The following SBK1 variants were observed in gnomAD, a reference collection of about 807,000 sequenced individuals.
The protein encoded by SBK1 is SH3 domain binding kinase 1, also known as serine/threonine-protein kinase SBK1.
A neutral mutation model predicts 24.4 loss-of-function variants in SBK1; 11 were observed. That is an observed-to-expected ratio of 0.45 (90% CI 0.28 to 0.75). The LOEUF (loss-of-function observed/expected upper bound fraction) is 0.75. Ranked by LOEUF, SBK1 falls within the 30% of genes least tolerant of loss-of-function variation. The pLI, the probability that SBK1 is intolerant of heterozygous loss-of-function variation, is 0.12. For synonymous variants in SBK1, 308 were observed against 284.4 expected (o/e 1.08, Z -0.83); for missense variants, 467 against 620.5 (o/e 0.75, Z 2.63).
At chr16:28,310,725 G>A (rs74016811) in intron 1 of SBK1, among the ~76,000 whole-genome samples, 2,287 of 152,250 alleles carry the variant, frequency 0.015, 67 homozygotes, top group African/African-American at 0.051. Context: ...TTGTATTTGT[G>A]AGGATTAAGT....
chr16:28,287,228 G>C (rs1269237279), intron 1 of SBK1, among the ~76,000 whole-genome samples: 2 of 147,440 alleles, frequency 1.4e-5, no homozygotes, highest in Non-Finnish European at 3.0e-5. Context: ...ATCACCCAAA[G>C]TCAGGAGTTT....
intron 1 of SBK1, among the ~76,000 whole-genome samples, chr16:28,309,841 C>T (rs1430219543): frequency 2.0e-5 from 3 of 152,284 alleles, no homozygotes; most frequent in Non-Finnish European, 1.5e-5. Context: ...TGTGTATACA[C>T]GTGTGTCTGT....
rs759262202 is a variant in SBK1, at chr16:28,320,528, C to T, written c.882C>T (p.Arg294=). ...AGCCCGCGCTGCGCATGTTCCAGCG[C>T]TTACTGGCCCTGGAGCCCGAGCGCC... is the stretch of plus-strand genomic sequence containing the variant. ...FTEPALRMFQ[R]LLALEPERRG... The change falls in exon 4 of 4, where the codon CGC becomes CGT. Residue 294 remains arginine (R), a synonymous_variant. Coordinates refer to ENST00000341901, the MANE Select transcript of SBK1 (RefSeq NM_001024401.3). This position sits in a 1 kb window ranked among gnomAD's most constrained non-coding sequence, Gnocchi z 8.5. 3 of 1,565,398 alleles carry T rather than the reference C, an allele frequency of 1.9e-6. No individual in the cohort carries two copies. The highest frequency in any genetic ancestry group is 2.8e-5 in the African/African-American group (2 of 72,106).
rs2044612060 is a variant in SBK1, at chr16:28,292,967, C to T, written c.-341C>T. ...TGCCCCCAGGCCGGGATTGCGAGAA[C>T]CCCCTCCCAAGATCCGGTCATTACA... is the stretch of plus-strand genomic sequence containing the variant. On this transcript the variant is annotated 5_prime_UTR_variant, in exon 1 of 4. Coordinates refer to ENST00000341901, the MANE Select transcript of SBK1 (RefSeq NM_001024401.3). 4 of 980,296 alleles carry T rather than the reference C, an allele frequency of 4.1e-6. No homozygotes were observed. The highest frequency in any genetic ancestry group is 4.7e-5 in the South Asian group (1 of 21,186). 60.7% of individuals were successfully genotyped at this position (980,296 alleles called of 1,614,324 possible).
intron 1 of SBK1, among the ~76,000 whole-genome samples, chr16:28,295,533 C>T (rs1322275776): frequency 2.0e-5 from 3 of 152,140 alleles, no homozygotes; most frequent in African/African-American, 7.2e-5. Flanking sequence ...GTCTCCACAT[C>T]TAGACTCAGC....
chr16:28,311,808 TG>T (rs1302725200), intron 1 of SBK1, among the ~76,000 whole-genome samples: 3 of 152,086 alleles, frequency 2.0e-5, no homozygotes, highest in Non-Finnish European at 4.4e-5. Context: ...GGGGCACACA[TG>T]GGGCCCAAAC....
chr16:28,299,076 GA>G (rs1422962882), intron 1 of SBK1, among the ~76,000 whole-genome samples: 1 of 152,198 alleles, frequency 6.6e-6, no homozygotes, highest in Admixed American at 6.5e-5. Context: ...GTGTCTCCAG[GA>G]GGCACAATGG....
At chr16:28,297,332 A>G (rs1000492442) in intron 1 of SBK1, among the ~76,000 whole-genome samples, 1 of 152,192 alleles carries the variant, frequency 6.6e-6, no homozygotes, top group African/African-American at 2.4e-5. Flanking sequence ...GTCCGTCTCA[A>G]AAAAAAAGAA....
At chr16:28,303,966 G>A (rs1316777309) in intron 1 of SBK1, among the ~76,000 whole-genome samples, 1 of 152,094 alleles carries the variant, frequency 6.6e-6, no homozygotes, top group African/African-American at 2.4e-5. Context: ...GCTGGGAGAG[G>A]TTCAGTGCCA....
rs2044875811 is a variant in SBK1 at position 28,323,696 on chromosome 16, CCCAGAG to C, written c.*2778_*2783del. On this transcript the variant is annotated 3_prime_UTR_variant, in exon 4 of 4. Coordinates refer to ENST00000341901, the MANE Select transcript of SBK1 (RefSeq NM_001024401.3). ...GCGGGGTCCTGGGTAGAGTCCTAGC[CCCAGAG>C]CCCCAGCCCCTCATGTCTTGCCGCC... 4.6e-5 allele frequency: 7 copies of C among 152,740 alleles called. No individual in the cohort carries two copies. The highest frequency in any genetic ancestry group is 1.0e-4 in the Non-Finnish European group (7 of 68,060). 9.5% of individuals were successfully genotyped at this position (152,740 alleles called of 1,614,324 possible).
intron 1 of SBK1, among the ~76,000 whole-genome samples, chr16:28,280,149 A>ATATATATATATGTG (rs1230385223): frequency 2.1e-3 from 84 of 39,378 alleles, no homozygotes; most frequent in African/African-American, 4.4e-3. Context: ...ATATATATAT[A>ATATATATATATGTG]TGTGTGTGTG....
intron 1 of SBK1, among the ~76,000 whole-genome samples, chr16:28,309,066 T>C (rs2044736787): frequency 6.6e-6 from 1 of 151,966 alleles, no homozygotes; most frequent in Non-Finnish European, 1.5e-5. Context: ...TCCCAGTGGC[T>C]CCCACAACAA....
At chr16:28,283,539 G>A (rs1325991574) in intron 1 of SBK1, among the ~76,000 whole-genome samples, 3 of 152,132 alleles carry the variant, frequency 2.0e-5, no homozygotes, top group African/African-American at 7.2e-5. Context: ...GCCTGGCTCA[G>A]GGAACAGACC....
chr16:28,316,765 T>A (rs542984413), intron 1 of SBK1, among the ~76,000 whole-genome samples: 6 of 152,208 alleles, frequency 3.9e-5, no homozygotes, highest in African/African-American at 1.2e-4. Context: ...TGTAATCCAA[T>A]CTACTCAGGA....
intron 1 of SBK1, among the ~76,000 whole-genome samples, chr16:28,278,364 C>A (rs149738934): frequency 0.011 from 1,534 of 143,882 alleles, 14 homozygotes; most frequent in Middle Eastern, 0.052. Flanking sequence ...GTTTTAGAGG[C>A]AGGATCCTGC....
chr16:28,287,931 A>T (rs1390208107), upstream of SBK1, among the ~76,000 whole-genome samples: 1 of 152,048 alleles, frequency 6.6e-6, no homozygotes, highest in East Asian at 1.9e-4. Context: ...TCCCAAAGTC[A>T]CCACTTCTGT....
At chr16:28,294,832 C>T (rs2044627463) in intron 1 of SBK1, among the ~76,000 whole-genome samples, 1 of 152,252 alleles carries the variant, frequency 6.6e-6, no homozygotes, top group South Asian at 2.1e-4. Context: ...CCTCTGGCAG[C>T]CTCTCCTGCC....
At chr16:28,281,539 G>A (rs1217969926) in intron 1 of SBK1, among the ~76,000 whole-genome samples, 2 of 152,192 alleles carry the variant, frequency 1.3e-5, no homozygotes, top group Non-Finnish European at 2.9e-5. Flanking sequence ...GTGGGAGGAA[G>A]AGGTAAGGCT....
intron 1 of SBK1, among the ~76,000 whole-genome samples, chr16:28,279,433 A>C (rs2044515933): frequency 6.7e-6 from 1 of 149,856 alleles, no homozygotes; most frequent in African/African-American, 2.4e-5. Flanking sequence ...AAAAAAAAAA[A>C]ACCACCATCA....
Sources: allele counts gnomAD v4.1 joint callset (sites outside exome capture counted in the v4.1 genomes callset), GRCh38; gene constraint gnomAD v4.1.1; non-coding constraint Gnocchi (gnomAD v3.1); transcripts MANE v1.5; gene names NCBI Gene and HGNC (gene_info 2026-07-23, HGNC 2026-07-21).